Variants in CD247 observed in about 807,000 individuals in gnomAD.
CD247 encodes the protein T-cell surface glycoprotein CD3 zeta chain.
CD247 carries 13 observed loss-of-function variants against 30.0 expected under a neutral mutation model. The ratio of observed to expected loss-of-function variants is 0.43; its 90% CI spans 0.28 to 0.69. The LOEUF is 0.69. Ranked by LOEUF, CD247 falls within the 30% of genes least tolerant of loss-of-function variation. The pLI, the probability that CD247 is intolerant of heterozygous loss-of-function variation, is 0.16. For missense variants in CD247, 193 were observed against 212.6 expected, an observed-to-expected ratio of 0.91 and a Z score of 0.57; for synonymous variants, 72 against 80.0, an observed-to-expected ratio of 0.90 and a Z score of 0.53.
chr1:167,506,643 C>T (rs777836148), intron 1 of CD247, among the ~76,000 whole-genome samples: 3 of 152,036 alleles, frequency 2.0e-5, no homozygotes, highest in Non-Finnish European at 4.4e-5. Context: ...AACCCTAACC[C>T]CTACCCCAGC....
rs1320093767 is a variant in CD247, at chr1:167,485,032, A to ACTGTCCTGAATCCTTTAGTCC, written c.58+33375_58+33376insGGACTAAAGGATTCAGGACAG. ...CCAGGAAATAACAATCAGGCCAAAC[A>ACTGTCCTGAATCCTTTAGTCC]CTGGCCCTGTCCTGAATCCTTTAGT... is the stretch of plus-strand genomic sequence containing the variant. On this transcript the variant is annotated intron_variant, in intron 1 of 7. Coordinates refer to ENST00000362089, the MANE Select transcript of CD247 (RefSeq NM_198053.3). Among the ~76,000 whole-genome samples, 3 of 152,240 alleles carry ACTGTCCTGAATCCTTTAGTCC rather than the reference A, an allele frequency of 2.0e-5. No homozygotes were observed. In the East Asian group the frequency reaches 5.8e-4, roughly 29 times the overall value.
chr1:167,497,719 A>C (rs79966588), intron 1 of CD247, among the ~76,000 whole-genome samples: 3,886 of 152,282 alleles, frequency 0.026, 70 homozygotes, highest in Middle Eastern at 0.082. Flanking sequence ...AAACTCTCCA[A>C]GGAACAAACT....
chr1:167,483,696 C>T (rs888989758), intron 1 of CD247, among the ~76,000 whole-genome samples: 2 of 152,242 alleles, frequency 1.3e-5, no homozygotes, highest in Non-Finnish European at 2.9e-5. Flanking sequence ...ATAGCAAGGC[C>T]ACATCACCTG....
chr1:167,461,256 T>C (rs1652994930), intron 1 of CD247, among the ~76,000 whole-genome samples: 1 of 152,222 alleles, frequency 6.6e-6, no homozygotes. Context: ...GTCCCATGAT[T>C]TGGGTCCTCA....
chr1:167,465,758 A>G (rs1222834107), intron 1 of CD247, among the ~76,000 whole-genome samples: 1 of 152,202 alleles, frequency 6.6e-6, no homozygotes, highest in Admixed American at 6.5e-5. Context: ...GGAATTATTT[A>G]TCTAGCCTAG....
At chr1:167,460,583 C>T (rs1652953760) in intron 1 of CD247, among the ~76,000 whole-genome samples, 1 of 152,166 alleles carries the variant, frequency 6.6e-6, no homozygotes, top group Non-Finnish European at 1.5e-5. Flanking sequence ...ACGGCCTCGG[C>T]GAGTTATTTC....
intron 1 of CD247, among the ~76,000 whole-genome samples, chr1:167,466,761 G>A (rs1327353861): frequency 6.6e-6 from 1 of 152,206 alleles, no homozygotes; most frequent in East Asian, 1.9e-4. Context: ...GAGCCCAACA[G>A]GCTGGAGCCC....
Position 167,462,539 on chromosome 1 carries a change from G to A in CD247, c.59-21772C>T, listed in dbSNP as rs771090272. The stretch of plus-strand genomic sequence containing the variant: ...TGTAAACAAGTGTATCTACATACAC[G>A]AGAACCCAAGGGAGAGAGCTGCACA... On this transcript the variant is annotated intron_variant, in intron 1 of 7. Transcript: ENST00000362089. 5.3e-5 allele frequency among the ~76,000 whole-genome samples: 8 copies of A among 152,204 alleles called. No individual in the cohort carries two copies. In the South Asian group the frequency reaches 8.3e-4, roughly 16 times the overall value.
chr1:167,518,125 C>G (rs1655696349), intron 1 of CD247, among the ~76,000 whole-genome samples: 2 of 152,162 alleles, frequency 1.3e-5, no homozygotes, highest in Non-Finnish European at 2.9e-5. Context: ...CTCGGTTGCT[C>G]TCTTGCTTCC....
intron 1 of CD247, among the ~76,000 whole-genome samples, chr1:167,447,191 G>A (rs190995334): frequency 6.6e-5 from 10 of 152,244 alleles, no homozygotes; most frequent in Admixed American, 2.0e-4. Context: ...TGCACAATAC[G>A]GGCAGAATTA....
At chr1:167,471,831 C>CTTTTTTTTTTTTTTTTTTTTTTTT (rs111891678) in intron 1 of CD247, among the ~76,000 whole-genome samples, 3 of 117,188 alleles carry the variant, frequency 2.6e-5, no homozygotes, top group African/African-American at 3.2e-5. Context: ...CTGTTTCTTT[C>CTTTTTTTTTTTTTTTTTTTTTTTT]TTTTTTTTTT....
chr1:167,504,327 T>C (rs765648351), intron 1 of CD247, among the ~76,000 whole-genome samples: 7 of 152,218 alleles, frequency 4.6e-5, no homozygotes, highest in Non-Finnish European at 8.8e-5. Flanking sequence ...CCCTCTCCTC[T>C]AGAAATGTGA....
intron 1 of CD247, among the ~76,000 whole-genome samples, chr1:167,496,154 AG>A (rs746368692): frequency 1.3e-5 from 2 of 152,188 alleles, no homozygotes; most frequent in Non-Finnish European, 2.9e-5. Context: ...TAGCATTAGT[AG>A]TGGTGTTTGT....
chr1:167,481,521 C>T (rs1052631642), intron 1 of CD247, among the ~76,000 whole-genome samples: 17 of 152,170 alleles, frequency 1.1e-4, no homozygotes, highest in African/African-American at 3.9e-4. Flanking sequence ...ATTTTGGTGC[C>T]GTCTATAATG....
At chr1:167,452,635 C>T (rs1652409060) in intron 1 of CD247, among the ~76,000 whole-genome samples, 3 of 152,032 alleles carry the variant, frequency 2.0e-5, no homozygotes, top group Admixed American at 1.3e-4. Context: ...CCCAGCCGAG[C>T]AGAGAGGTGG....
intron 1 of CD247, among the ~76,000 whole-genome samples, chr1:167,513,450 A>G (rs540957710): frequency 6.6e-6 from 1 of 152,318 alleles, no homozygotes; most frequent in South Asian, 2.1e-4. Flanking sequence ...TGATTTTTAT[A>G]TCTTTACTAA....
chr1:167,449,451 GC>G (rs1652255818), intron 1 of CD247, among the ~76,000 whole-genome samples: 1 of 151,548 alleles, frequency 6.6e-6, no homozygotes, highest in Non-Finnish European at 1.5e-5. Flanking sequence ...ACCGAGCCCA[GC>G]CTTTGTGATC....
chr1:167,436,716 C>T lies in CD247; in HGVS notation c.301-1282G>A, dbSNP rs1651559231. Among the ~76,000 whole-genome samples the T allele has an allele frequency of 2.6e-5, 4 of 152,002 alleles. No homozygotes were observed. In the South Asian group the frequency reaches 8.3e-4, roughly 31 times the overall value. On this transcript the variant is annotated intron_variant, in intron 4 of 7. Coordinates refer to ENST00000362089, the MANE Select transcript of CD247 (RefSeq NM_198053.3). The stretch of plus-strand genomic sequence containing the variant: ...AGAAGACATATAAATGGCTAAGAGA[C>T]ATATGAAAAAATGCTTAACATCACT...
chr1:167,483,219 G>T (rs1314236130), intron 1 of CD247, among the ~76,000 whole-genome samples: 2 of 151,880 alleles, frequency 1.3e-5, no homozygotes, highest in Non-Finnish European at 2.9e-5. Flanking sequence ...TGTTGTTCAG[G>T]CTGGTCTCAA....
Sources: gnomAD v4.1 joint callset for allele counts (sites outside exome capture counted in the v4.1 genomes callset) on GRCh38, gnomAD v4.1.1 for gene constraint, MANE v1.5 for transcripts, NCBI Gene and HGNC (gene_info 2026-07-23, HGNC 2026-07-21) for gene names.